ABCC4: variants seen among roughly 807,000 people sequenced by gnomAD.
The protein encoded by ABCC4 is ATP binding cassette subfamily C member 4 (PEL blood group).
Under a neutral mutation model 168.5 loss-of-function variants are expected in ABCC4, and 102 were observed. That is an observed-to-expected ratio of 0.61 (90% CI 0.52 to 0.71). The LOEUF is 0.71. Among genes scored for constraint, ABCC4 ranks in the 30% least tolerant of loss-of-function variants. The pLI is 0.00. For synonymous variants in ABCC4, 617 were observed against 590.7 expected, an observed-to-expected ratio of 1.04 and a Z score of -0.65; for missense variants, 1,402 against 1,605.8, an observed-to-expected ratio of 0.87 and a Z score of 2.17.
intron 20 of ABCC4, among the ~76,000 whole-genome samples, chr13:95,101,113 C>T (rs144880158): frequency 1.6e-3 from 239 of 152,236 alleles, no homozygotes; most frequent in African/African-American, 5.6e-3. Context: ...CCTCATCCTG[C>T]CCTCCCACCC....
At chr13:95,270,177 T>C (rs561349958) in intron 1 of ABCC4, among the ~76,000 whole-genome samples, 3 of 152,314 alleles carry the variant, frequency 2.0e-5, no homozygotes, top group East Asian at 3.9e-4. Context: ...GTCACCCAAC[T>C]ATTAATATTG....
At chr13:95,059,809 A>T (rs1308593640) in intron 26 of ABCC4, among the ~76,000 whole-genome samples, 1 of 152,208 alleles carries the variant, frequency 6.6e-6, no homozygotes, top group South Asian at 2.1e-4. Flanking sequence ...CCTTAATTAG[A>T]AATAGTTACT....
chr13:95,218,562 T>C (rs1276916025), intron 4 of ABCC4, among the ~76,000 whole-genome samples: 1 of 152,092 alleles, frequency 6.6e-6, no homozygotes, highest in South Asian at 2.1e-4. Context: ...TACAGAAAGT[T>C]CTCCGTAGGC....
rs753316849 is a variant in ABCC4, at chr13:95,296,135, AACACACACACACAC to A, written c.74+5092_74+5105del. 2.5e-3 allele frequency among the ~76,000 whole-genome samples: 248 copies of A among 98,958 alleles called. 1 individual carries two copies. The highest frequency in any genetic ancestry group is 9.6e-3 in the African/African-American group (238 of 24,790). The allele number at this position is 98,958 out of a possible 152,430, so 64.9% of individuals were successfully genotyped here. A position where few individuals can be genotyped will look rare whatever the true frequency, so the allele number is the denominator to read the frequency against. On this transcript the variant is annotated intron_variant, in intron 1 of 30. Coordinates refer to ENST00000645237, the MANE Select transcript of ABCC4 (RefSeq NM_005845.5). ...GCAACAGAGCAAGACCCTGTCTCAA[AACACACACACACAC>A]ACACACACACACACACACACACACA...
chr13:95,224,762 G>C (rs999882657), intron 4 of ABCC4, among the ~76,000 whole-genome samples: 1 of 151,626 alleles, frequency 6.6e-6, no homozygotes, highest in Non-Finnish European at 1.5e-5. Context: ...ATAAAGAAAT[G>C]CTAATAGATG....
chr13:95,255,234 C>T (rs2040364667), intron 1 of ABCC4, among the ~76,000 whole-genome samples: 1 of 152,214 alleles, frequency 6.6e-6, no homozygotes, highest in Non-Finnish European at 1.5e-5. Flanking sequence ...TCGTGTAACA[C>T]TCCAGCAATT....
At chr13:95,095,545 G>C (rs2034566714) in intron 20 of ABCC4, among the ~76,000 whole-genome samples, 1 of 152,150 alleles carries the variant, frequency 6.6e-6, no homozygotes, top group Non-Finnish European at 1.5e-5. Flanking sequence ...AGGGGGAAGA[G>C]TGGGAGGAGG....
chr13:95,068,852 G>C (rs1227864845), intron 25 of ABCC4, among the ~76,000 whole-genome samples: 1 of 152,204 alleles, frequency 6.6e-6, no homozygotes, highest in East Asian at 1.9e-4. Context: ...GATCAGGTAG[G>C]ACCTAATAAC....
At chr13:95,253,605 C>T (rs1011597560) in intron 1 of ABCC4, among the ~76,000 whole-genome samples, 2 of 151,812 alleles carry the variant, frequency 1.3e-5, no homozygotes, top group Non-Finnish European at 2.9e-5. Context: ...ATTAGCCGGG[C>T]GTGGTGGAGG....
At chr13:95,096,247 G>C (rs997399867) in intron 20 of ABCC4, 3 of 545,834 alleles carry the variant, frequency 5.5e-6, no homozygotes, top group South Asian at 5.1e-5. Flanking sequence ...AAGAATCAAT[G>C]ACCCTAAAGA....
At chr13:95,075,282 G>C in intron 22 of ABCC4, 150 bp downstream of exon 22, 1 of 980,086 alleles carries the variant, frequency 1.0e-6, no homozygotes, top group Non-Finnish European at 1.5e-6. Flanking sequence ...CAGAAGAAGG[G>C]GATGGGGAAG....
intron 1 of ABCC4, among the ~76,000 whole-genome samples, chr13:95,250,420 T>A (rs1382406646): frequency 1.3e-5 from 2 of 152,210 alleles, no homozygotes. Flanking sequence ...ATGCCTGGTA[T>A]GTGATAGATA....
At chr13:95,036,574 G>A (rs2032130589) in intron 29 of ABCC4, among the ~76,000 whole-genome samples, 2 of 151,778 alleles carry the variant, frequency 1.3e-5, no homozygotes, top group Non-Finnish European at 2.9e-5. Context: ...TAATAAAAAT[G>A]ACAGAAAGAT....
intron 27 of ABCC4, among the ~76,000 whole-genome samples, chr13:95,049,367 C>T (rs558592316): frequency 2.6e-4 from 36 of 141,024 alleles, no homozygotes; most frequent in African/African-American, 7.7e-4. Context: ...ATAGGCCAGG[C>T]GCGGTGGCTC....
chr13:95,028,888 G>A (rs977482365), intron 30 of ABCC4, among the ~76,000 whole-genome samples: 15 of 151,990 alleles, frequency 9.9e-5, no homozygotes, highest in Admixed American at 2.6e-4. Flanking sequence ...GTAACTGGCC[G>A]GTCATGGTGG....
intron 26 of ABCC4, 29 bp downstream of exon 26, chr13:95,062,675 G>A: frequency 1.3e-6 from 2 of 1,584,332 alleles, no homozygotes; most frequent in Non-Finnish European, 8.6e-7. Context: ...TTATAAAAGG[G>A]GCAGGTAAGG....
At chr13:95,171,864 G>T (rs959764053) in intron 13 of ABCC4, among the ~76,000 whole-genome samples, 8 of 152,208 alleles carry the variant, frequency 5.3e-5, no homozygotes, top group Non-Finnish European at 1.2e-4. Flanking sequence ...AAACTAAGTT[G>T]TTCAATCTAG....
At chr13:95,125,077 T>C (rs1250114707) in intron 19 of ABCC4, among the ~76,000 whole-genome samples, 1 of 151,770 alleles carries the variant, frequency 6.6e-6, no homozygotes, top group East Asian at 1.9e-4. Flanking sequence ...ACAGATACTG[T>C]TCCCATTTTA....
At chr13:95,167,042 A>G (rs7987920) in intron 14 of ABCC4, among the ~76,000 whole-genome samples, 3,513 of 152,028 alleles carry the variant, frequency 0.023, 105 homozygotes, top group African/African-American at 0.072. Flanking sequence ...CAAAAAAATT[A>G]GCCGGGCATC....
Sources: allele counts gnomAD v4.1 joint callset (sites outside exome capture counted in the v4.1 genomes callset), GRCh38; gene constraint gnomAD v4.1.1; transcripts MANE v1.5; gene names NCBI Gene and HGNC (gene_info 2026-07-23, HGNC 2026-07-21).